The following FZD5 variants were observed in gnomAD, a reference collection of about 807,000 sequenced individuals.
FZD5 encodes the protein frizzled class receptor 5.
A neutral mutation model predicts 40.8 loss-of-function variants in FZD5; 12 were observed. The observed-to-expected ratio is 0.29, with a 90% CI of 0.19 to 0.48. The LOEUF (loss-of-function observed/expected upper bound fraction) is 0.48, where lower values mean the gene tolerates loss of function less well. Among genes scored for constraint, FZD5 ranks in the 20% least tolerant of loss-of-function variants. The probability of loss-of-function intolerance (pLI) is 0.99; values close to 1 mark genes in which losing one functional copy is unlikely to be tolerated. For missense variants in FZD5, 622 were observed against 832.8 expected (o/e 0.75, Z 3.12); for synonymous variants, 380 against 383.7 (o/e 0.99, Z 0.11).
rs1356324441 is a variant in FZD5, at chr2:207,767,361, G to A, written c.1379C>T (p.Pro460Leu). 6.2e-7 allele frequency: 1 copy of A among 1,612,556 alleles called. No homozygotes were observed. Among genetic ancestry groups the A allele is most frequent in the Non-Finnish European group, 8.5e-7 (1 of 1,179,942 alleles). The change falls in exon 2 of 2, where the codon CCC (proline) becomes CTC (leucine). Residue 460 changes from proline to leucine, a missense_variant. Transcript: ENST00000295417. The stretch of plus-strand genomic sequence containing the variant: ...GTAGCAGGCCACCACAATGCTGGCG[G>A]GGACCGTGTAGAGCAGCGTGAAGAT... ...IGIFTLLYTV[P>L]ASIVVACYLY...
At position 207,766,662 on chromosome 2, in the gene FZD5, T is replaced by C. The variant is rs927423698; in HGVS notation, c.*320A>G. Reference sequence around the variant, plus strand: ...CTTCATTACAACGCCAACCTTAGGATTGTAAAGCCCCCAAAGCAAAGGTAA... The same window carrying C: ...CTTCATTACAACGCCAACCTTAGGACTGTAAAGCCCCCAAAGCAAAGGTAA... On this transcript the variant is annotated 3_prime_UTR_variant, in exon 2 of 2. Coordinates refer to ENST00000295417, the MANE Select transcript of FZD5 (RefSeq NM_003468.4). The C allele has an allele frequency of 4.3e-6, 1 of 232,766 alleles. No individual in the cohort carries two copies. Among genetic ancestry groups the C allele is most frequent in the East Asian group, 8.5e-5 (1 of 11,704 alleles). 14.4% of individuals were successfully genotyped at this position (232,766 alleles called of 1,614,324 possible).
chr2:207,767,317 G>A lies in FZD5; in HGVS notation c.1423C>T (p.Arg475Cys). The change falls in exon 2 of 2, where the codon CGC (arginine) becomes TGC (cysteine). Residue 475 changes from arginine (R) to cysteine (C), a missense_variant. By Grantham distance (180) the Arg-to-Cys change is radical. Coordinates refer to ENST00000295417, the MANE Select transcript of FZD5 (RefSeq NM_003468.4). ...GTGAGCGCCGCCTCCCAGCTCTCGC[G>A]GTAGTGCTGCTCGTACAGGTAGCAG... Reference protein sequence around the residue: ...VACYLYEQHYRESWEAALTCA... With the variant: ...VACYLYEQHYCESWEAALTCA... The A allele has an allele frequency of 6.2e-7, 1 of 1,611,746 alleles. No individual in the cohort carries two copies. Among genetic ancestry groups the A allele is most frequent in the Non-Finnish European group, 8.5e-7 (1 of 1,179,572 alleles).
chr2:207,768,716 C>T lies in FZD5; in HGVS notation c.24G>A (p.Ala8=). ...GGAGCAGCAGCAACAGCGAGGGCGGCGCGGATGGGTCAGGCCGAGCCATCG... is the reference window on the plus strand; with the variant it reads ...GGAGCAGCAGCAACAGCGAGGGCGGTGCGGATGGGTCAGGCCGAGCCATCG... MARPDPS[A]PPSLLLLLLA... The change falls in exon 2 of 2, where the codon GCG becomes GCA. Residue 8 remains alanine, a synonymous_variant. Coordinates refer to ENST00000295417, the MANE Select transcript of FZD5 (RefSeq NM_003468.4). 3 of 1,590,264 alleles carry T rather than the reference C, an allele frequency of 1.9e-6. No homozygotes were observed. Among genetic ancestry groups the T allele is most frequent in the South Asian group, 2.3e-5 (2 of 88,466 alleles).
chr2:207,766,957 G>C lies in FZD5; in HGVS notation c.*25C>G. ...AACGCCCCCCTCCCCTCAGCTCTCC[G>C]GCCGAGTCCCTCGGCGGCAGCCTCC... On this transcript the variant is annotated 3_prime_UTR_variant, in exon 2 of 2. Coordinates refer to ENST00000295417, the MANE Select transcript of FZD5 (RefSeq NM_003468.4). 1 of 1,435,204 alleles carries C rather than the reference G, an allele frequency of 7.0e-7. No individual in the cohort carries two copies. Among genetic ancestry groups the C allele is most frequent in the South Asian group, 1.6e-5 (1 of 63,082 alleles). The allele number at this position is 1,435,204 out of a possible 1,614,324, so 88.9% of individuals were successfully genotyped here.
chr2:207,768,720 G>A lies in FZD5; in HGVS notation c.20C>T (p.Ser7Phe). MARPDPSAPPSLLLLLL... is the reference protein window; with the variant it reads MARPDPFAPPSLLLLLL... Reference sequence around the variant, plus strand: ...CAGCAGCAACAGCGAGGGCGGCGCGGATGGGTCAGGCCGAGCCATCGCCCC... The same window carrying A: ...CAGCAGCAACAGCGAGGGCGGCGCGAATGGGTCAGGCCGAGCCATCGCCCC... Residue 7 changes from serine (S) to phenylalanine (F), a missense_variant, in exon 2 of 2, where the codon TCC (serine) becomes TTC (phenylalanine). Around this residue, in one of 4 missense-constraint regions of FZD5, gnomAD observed 144 missense variants for 214.2 expected, o/e 0.67. Coordinates refer to ENST00000295417, the MANE Select transcript of FZD5 (RefSeq NM_003468.4). The A allele has an allele frequency of 1.3e-6, 2 of 1,586,574 alleles. No individual in the cohort carries two copies. Among genetic ancestry groups the A allele is most frequent in the Non-Finnish European group, 1.7e-6 (2 of 1,167,278 alleles).
rs41265965 is a variant in FZD5, at chr2:207,769,465, C to G, written c.-456G>C. ...GGGGGCGCCCCCAGAACAGGGGCGG[C>G]GCAGGCCGGTCACTCGCCCTCTCCT... On this transcript the variant is annotated 5_prime_UTR_variant, in exon 1 of 2. Transcript: ENST00000295417. 12,129 of 152,806 alleles carry G rather than the reference C, an allele frequency of 0.079. 712 individuals are homozygous for G. Among genetic ancestry groups the G allele is most frequent in the African/African-American group, 0.17 (6,866 of 41,568 alleles). 9.5% of individuals were successfully genotyped at this position (152,806 alleles called of 1,614,324 possible).
chr2:207,768,352 G>T lies in FZD5; in HGVS notation c.388C>A (p.Arg130Ser). The T allele has an allele frequency of 6.3e-7, 1 of 1,575,816 alleles. No individual in the cohort carries two copies. The highest frequency in any genetic ancestry group is 8.6e-7 in the Non-Finnish European group (1 of 1,166,018). Residue 130 changes from arginine to serine, a missense_variant, in exon 2 of 2, where the codon CGC becomes AGC. Physicochemically the swap from Arg to Ser is moderately radical, Grantham distance 110 (BLOSUM62 -1). This residue lies in a region of FZD5 where 144 missense variants were observed against 214.2 expected (regional missense o/e 0.67). Transcript: ENST00000295417. Reference protein sequence around the residue: ...MRQYGFAWPERMSCDRLPVLG... With the variant: ...MRQYGFAWPESMSCDRLPVLG... ...ACCGGGAGGCGGTCGCAGCTCATGC[G>T]CTCGGGCCAGGCGAAGCCGTACTGG... is the stretch of plus-strand genomic sequence containing the variant.
Position 207,768,906 on chromosome 2 carries a change from G to A in FZD5, c.-167C>T. On this transcript the variant is annotated 5_prime_UTR_variant, in exon 2 of 2. Coordinates refer to ENST00000295417, the MANE Select transcript of FZD5 (RefSeq NM_003468.4). ...ACCGTCCAAAGATAAACTGCTTCGG[G>A]AAGGCGCTGCCTCCGCTGGCAGCGC... The A allele has an allele frequency of 1.6e-6, 1 of 620,040 alleles. No individual in the cohort carries two copies. Among genetic ancestry groups the A allele is most frequent in the East Asian group, 2.9e-5 (1 of 34,028 alleles). The allele number at this position is 620,040 out of a possible 1,614,324, so 38.4% of individuals were successfully genotyped here. A position where few individuals can be genotyped will look rare whatever the true frequency, so the allele number is the denominator to read the frequency against.
chr2:207,767,358 G>A lies in FZD5; in HGVS notation c.1382C>T (p.Ala461Val), dbSNP rs1439108369. The A allele has an allele frequency of 1.2e-6, 2 of 1,612,354 alleles. No homozygotes were observed. The highest frequency in any genetic ancestry group is 1.3e-5 in the African/African-American group (1 of 74,940). The stretch of plus-strand genomic sequence containing the variant: ...CAGGTAGCAGGCCACCACAATGCTG[G>A]CGGGGACCGTGTAGAGCAGCGTGAA... ...GIFTLLYTVP[A>V]SIVVACYLYE... The change falls in exon 2 of 2, where the codon GCC becomes GTC. Residue 461 changes from alanine to valine, a missense_variant. Ala to Val is a moderately conservative substitution (Grantham distance 64). Coordinates refer to ENST00000295417, the MANE Select transcript of FZD5 (RefSeq NM_003468.4).
rs2091964033 is a variant in FZD5, at chr2:207,763,355, TAG to T, written c.*3625_*3626del. ...AGCTTTTGAGAGTCTTGACTCAGGT[TAG>T]CTACTTATATTCTGCCTACTCTTCA... On this transcript the variant is annotated 3_prime_UTR_variant, in exon 2 of 2. Coordinates refer to ENST00000295417, the MANE Select transcript of FZD5 (RefSeq NM_003468.4). The T allele has an allele frequency of 6.6e-6, 1 of 152,646 alleles. No individual in the cohort carries two copies. Among genetic ancestry groups the T allele is most frequent in the South Asian group, 2.1e-4 (1 of 4,828 alleles). The allele number at this position is 152,646 out of a possible 1,614,324, so 9.5% of individuals were successfully genotyped here.
In FZD5 at chr2:207,768,329, C is replaced by G. The variant is rs913814010; in HGVS notation, c.411G>C (p.Pro137=). 1.3e-6 allele frequency: 2 copies of G among 1,552,326 alleles called. No individual in the cohort carries two copies. The highest frequency in any genetic ancestry group is 1.4e-5 in the African/African-American group (1 of 73,916). The change falls in exon 2 of 2, where the codon CCG becomes CCC. Residue 137 remains proline, a synonymous_variant. Transcript: ENST00000295417. ...WPERMSCDRL[P]VLGRDAEVLC... is the part of the protein sequence containing the mutation. ...GGACCTCGGCGTCGCGGCCCAGCACCGGGAGGCGGTCGCAGCTCATGCGCT... is the reference window on the plus strand; with the variant it reads ...GGACCTCGGCGTCGCGGCCCAGCACGGGGAGGCGGTCGCAGCTCATGCGCT...
chr2:207,769,187 C>T, intron 1 of FZD5, 78 bp downstream of exon 1: 1 of 166,580 alleles, frequency 6.0e-6, no homozygotes, highest in Non-Finnish European at 1.3e-5. Flanking sequence ...AGGCAGTGCC[C>T]GGAGACCAGA....
At position 207,767,211 on chromosome 2, in the gene FZD5, C is replaced by G; in HGVS notation, c.1529G>C (p.Cys510Ser). 6.2e-7 allele frequency: 1 copy of G among 1,608,332 alleles called. No homozygotes were observed. The highest frequency in any genetic ancestry group is 1.7e-4 in the Middle Eastern group (1 of 6,058). The change falls in exon 2 of 2, where the codon TGC becomes TCC. Residue 510 changes from cysteine (C) to serine (S), a missense_variant. Physicochemically the swap from Cys to Ser is moderately radical, Grantham distance 112. Coordinates refer to ENST00000295417, the MANE Select transcript of FZD5 (RefSeq NM_003468.4). Reference protein sequence around the residue: ...YWVLMLKYFMCLVVGITSGVW... With the variant: ...YWVLMLKYFMSLVVGITSGVW... Reference sequence around the variant, plus strand: ...GCCCGACGTGATGCCCACCACCAGGCACATGAAGTACTTGAGCATGAGCAC... The same window carrying G: ...GCCCGACGTGATGCCCACCACCAGGGACATGAAGTACTTGAGCATGAGCAC...
rs1223459065 is a variant in FZD5, at chr2:207,765,153, G to T, written c.*1829C>A. 6.6e-6 allele frequency: 1 copy of T among 152,176 alleles called. No individual in the cohort carries two copies. The highest frequency in any genetic ancestry group is 1.5e-5 in the Non-Finnish European group (1 of 68,026). 9.4% of individuals were successfully genotyped at this position (152,176 alleles called of 1,614,324 possible). On this transcript the variant is annotated 3_prime_UTR_variant, in exon 2 of 2. Transcript: ENST00000295417. ...AATTCCCCCTGGGAACTATGCATTT[G>T]TCTATTTAACATCCATGAAGTAAAA...
Position 207,768,897 on chromosome 2 carries a change from C to T in FZD5, c.-158G>A, listed in dbSNP as rs1454350961. 1 of 640,192 alleles carries T rather than the reference C, an allele frequency of 1.6e-6. No homozygotes were observed. The highest frequency in any genetic ancestry group is 2.0e-5 in the South Asian group (1 of 49,776). The allele number at this position is 640,192 out of a possible 1,614,324, so 39.7% of individuals were successfully genotyped here. A position where few individuals can be genotyped will look rare whatever the true frequency, so the allele number is the denominator to read the frequency against. On this transcript the variant is annotated 5_prime_UTR_variant, in exon 2 of 2. Transcript: ENST00000295417. ...TTAAAGAAAACCGTCCAAAGATAAA[C>T]TGCTTCGGGAAGGCGCTGCCTCCGC...
rs2091969523 is a variant in FZD5, at chr2:207,764,406, G to C, written c.*2576C>G. On this transcript the variant is annotated 3_prime_UTR_variant, in exon 2 of 2. Coordinates refer to ENST00000295417, the MANE Select transcript of FZD5 (RefSeq NM_003468.4). ...AAGTAGATCCAGTTTCTCTCCCCTG[G>C]GGTGGCTGATCTCAGTAAGACTTAG... 6.6e-6 allele frequency: 1 copy of C among 152,170 alleles called. No homozygotes were observed. Among genetic ancestry groups the C allele is most frequent in the African/African-American group, 2.4e-5 (1 of 41,406 alleles). The allele number at this position is 152,170 out of a possible 1,614,324, so 9.4% of individuals were successfully genotyped here. A position where few individuals can be genotyped will look rare whatever the true frequency, so the allele number is the denominator to read the frequency against.
intron 1 of FZD5, 111 bp downstream of exon 1, chr2:207,769,152 CCT>C (rs1450907289): frequency 1.1e-5 from 2 of 185,066 alleles, no homozygotes; most frequent in African/African-American, 2.4e-5. Context: ...ACTCCCCCAC[CCT>C]CTCTTTCCAA....
In FZD5 at chr2:207,768,128, G is replaced by A. The variant is rs767069079; in HGVS notation, c.612C>T (p.His204=). 3 of 1,612,752 alleles carry A rather than the reference G, an allele frequency of 1.9e-6. No homozygotes were observed. The South Asian group carries it at 3.3e-5, about 18-fold the overall frequency. ...CCGTCCGCACCTTGTTGTAGAGCGG[G>A]TGTGACTCCTTCAGAATGGGCACGA... The part of the protein sequence containing the change: ...EPFVPILKES[H]PLYNKVRTGQ... The change falls in exon 2 of 2, where the codon CAC becomes CAT. Residue 204 remains histidine, a synonymous_variant. Transcript: ENST00000295417.
rs1437060477 is a variant in FZD5, at chr2:207,764,745, AAAG to A, written c.*2234_*2236del. 3.3e-5 allele frequency: 5 copies of A among 152,260 alleles called. No individual in the cohort carries two copies. The highest frequency in any genetic ancestry group is 7.2e-5 in the African/African-American group (3 of 41,474). The allele number at this position is 152,260 out of a possible 1,614,324, so 9.4% of individuals were successfully genotyped here. A position where few individuals can be genotyped will look rare whatever the true frequency, so the allele number is the denominator to read the frequency against. ...GTGCATCATTTCCAGATTTCTCCAC[AAAG>A]AAGGAGGGACAACCCAAATGAGGCA... On this transcript the variant is annotated 3_prime_UTR_variant, in exon 2 of 2. Transcript: ENST00000295417.
Sources: gnomAD v4.1 joint callset for allele counts on GRCh38, gnomAD v4.1.1 for gene constraint, gnomAD v4.1.1 regional missense constraint, MANE v1.5 for transcripts, NCBI Gene and HGNC (gene_info 2026-07-23, HGNC 2026-07-21) for gene names.